Variants in MYCBP2 observed in about 807,000 individuals in gnomAD.
MYCBP2 encodes the protein E3 ubiquitin-protein ligase MYCBP2.
A neutral mutation model predicts 525.3 loss-of-function variants in MYCBP2; 120 were observed. That is an observed-to-expected ratio of 0.23 (90% CI 0.20 to 0.27). MYCBP2 has a LOEUF of 0.27. Ranked by LOEUF, MYCBP2 falls within the 10% of genes least tolerant of loss-of-function variation. The pLI is 1.00. For synonymous variants in MYCBP2, 1,894 were observed against 1,955.8 expected, an observed-to-expected ratio of 0.97 and a Z score of 0.83; for missense variants, 4,149 against 5,657.1, an observed-to-expected ratio of 0.73 and a Z score of 8.55.
At chr13:77,075,878 T>G (rs2042205031) in intron 68 of MYCBP2, 1 of 152,192 alleles carries the variant, frequency 6.6e-6, no homozygotes, top group South Asian at 2.1e-4. Context: ...TTAAGAAATC[T>G]TATTTTTTTC....
chr13:77,301,354 T>C (rs2078776277), intron 1 of MYCBP2, among the ~76,000 whole-genome samples: 1 of 144,338 alleles, frequency 6.9e-6, no homozygotes, highest in South Asian at 2.2e-4. Flanking sequence ...AGGCAGAGGT[T>C]GTGACGAGCC....
In MYCBP2 at chr13:77,243,961, AAT is replaced by A; in HGVS notation, c.2382-12_2382-11del. The A allele has an allele frequency of 6.9e-7, 1 of 1,445,106 alleles. No individual in the cohort carries two copies. The highest frequency in any genetic ancestry group is 2.5e-5 in the East Asian group (1 of 40,722). The allele number at this position is 1,445,106 out of a possible 1,614,324, so 89.5% of individuals were successfully genotyped here. ...ACCACAACCACAGATCCTAGGGGGA[AAT>A]ACAAAAAAAAAAAAAAAAGACAACT... On this transcript the variant is annotated splice_polypyrimidine_tract_variant and intron_variant, in intron 15 of 82. Coordinates refer to ENST00000544440, the MANE Select transcript of MYCBP2 (RefSeq NM_015057.5).
At chr13:77,161,369 A>G (rs912879902) in intron 44 of MYCBP2, among the ~76,000 whole-genome samples, 8 of 152,226 alleles carry the variant, frequency 5.3e-5, no homozygotes, top group Admixed American at 4.6e-4. Flanking sequence ...TTAATGCCTA[A>G]ACGAGCAAAA....
At chr13:77,080,536 T>A (rs995473658) in intron 65 of MYCBP2, 1 of 152,218 alleles carries the variant, frequency 6.6e-6, no homozygotes, top group African/African-American at 2.4e-5. Flanking sequence ...TAAAAGAATA[T>A]TTAATTCAGT....
chr13:77,061,832 G>A, intron 74 of MYCBP2, 42 bp from the exon 75 acceptor site: 1 of 1,521,396 alleles, frequency 6.6e-7, no homozygotes, highest in Non-Finnish European at 8.9e-7. Flanking sequence ...TAACAAGCAA[G>A]TCTCAGACTC....
chr13:77,096,018 C>T (rs887242836), intron 57 of MYCBP2, among the ~76,000 whole-genome samples: 12 of 151,904 alleles, frequency 7.9e-5, no homozygotes, highest in Admixed American at 4.6e-4. Context: ...AAAAGGAAAG[C>T]TCTCCATAGA....
intron 55 of MYCBP2, among the ~76,000 whole-genome samples, chr13:77,108,972 CA>C (rs1483354318): frequency 6.6e-6 from 1 of 152,104 alleles, no homozygotes; most frequent in Non-Finnish European, 1.5e-5. Flanking sequence ...GGATTACAGG[CA>C]TGAGCCACTG....
chr13:77,149,540 G>A (rs2056147240), intron 47 of MYCBP2, among the ~76,000 whole-genome samples: 1 of 152,156 alleles, frequency 6.6e-6, no homozygotes, highest in Admixed American at 6.5e-5. Context: ...CATAAGTAAT[G>A]TAAGTGCTAA....
At chr13:77,275,610 G>T (rs1290301594) in intron 4 of MYCBP2, among the ~76,000 whole-genome samples, 1 of 152,108 alleles carries the variant, frequency 6.6e-6, no homozygotes, top group Non-Finnish European at 1.5e-5. Flanking sequence ...GATCACTTGA[G>T]TCCAGGGTTT....
At position 77,081,630 on chromosome 13, in the gene MYCBP2, A is replaced by G. The variant is rs923952861; in HGVS notation, c.11215T>C (p.Leu3739=). The G allele has an allele frequency of 1.2e-6, 2 of 1,612,942 alleles. No homozygotes were observed. The highest frequency in any genetic ancestry group is 1.7e-6 in the Non-Finnish European group (2 of 1,179,586). ...MSQELCIVMC[L]KDLTSIVDIK... is the part of the protein sequence containing the mutation. Reference sequence around the variant, plus strand: ...TCAACAATGCTGGTTAAGTCCTTTAAGCACATTACTATGCATAATTCCTAT... The same window carrying G: ...TCAACAATGCTGGTTAAGTCCTTTAGGCACATTACTATGCATAATTCCTAT... The change falls in exon 65 of 83, where the codon TTA becomes CTA. Residue 3739 remains leucine (L), a synonymous_variant. Transcript: ENST00000544440. This position sits in a 1 kb window ranked among gnomAD's most constrained non-coding sequence, Gnocchi z 4.6.
At chr13:77,126,074 G>T (rs1319510509) in intron 53 of MYCBP2, among the ~76,000 whole-genome samples, 2 of 152,064 alleles carry the variant, frequency 1.3e-5, no homozygotes, top group Admixed American at 1.3e-4. Context: ...AAAAATATGT[G>T]CAAATACCAA....
chr13:77,311,554 AGTTTTTTTTT>A (rs917574716), intron 1 of MYCBP2, among the ~76,000 whole-genome samples: 3 of 150,348 alleles, frequency 2.0e-5, no homozygotes, highest in East Asian at 1.9e-4. Context: ...GGGAAAGAGA[AGTTTTTTTTT>A]GTTTTTTTTT....
chr13:77,185,025 G>A (rs945016674), intron 32 of MYCBP2, 78 bp downstream of exon 32: 20 of 1,281,838 alleles, frequency 1.6e-5, no homozygotes, highest in Non-Finnish European at 2.1e-5. Flanking sequence ...AGAAGATATG[G>A]CAACTGCAAT....
intron 59 of MYCBP2, among the ~76,000 whole-genome samples, chr13:77,092,002 A>G (rs1261472368): frequency 6.6e-6 from 1 of 151,868 alleles, no homozygotes; most frequent in African/African-American, 2.4e-5. Flanking sequence ...TCTGGAGAAA[A>G]TGTCAAGAGC....
chr13:77,168,746 A>T (rs1160355636), intron 39 of MYCBP2, 100 bp from the exon 40 acceptor site: 14 of 1,089,242 alleles, frequency 1.3e-5, no homozygotes, highest in Middle Eastern at 4.4e-4. Context: ...AACAATTTCC[A>T]TCTAAATTTT....
intron 26 of MYCBP2, among the ~76,000 whole-genome samples, chr13:77,202,097 C>T: frequency 6.6e-6 from 1 of 151,990 alleles, no homozygotes; most frequent in East Asian, 1.9e-4. Context: ...TTAATGAATC[C>T]AGGAGCTGGT....
intron 20 of MYCBP2, among the ~76,000 whole-genome samples, chr13:77,221,255 AT>A (rs2065515914): frequency 6.6e-6 from 1 of 152,180 alleles, no homozygotes. Flanking sequence ...TATTGCTACA[AT>A]ATTATTACCT....
At chr13:77,228,842 G>C (rs1311611207) in intron 18 of MYCBP2, among the ~76,000 whole-genome samples, 1 of 151,958 alleles carries the variant, frequency 6.6e-6, no homozygotes, top group East Asian at 1.9e-4. Flanking sequence ...TGTATACACA[G>C]AGAAAAAAGA....
chr13:77,147,254 C>T (rs1044518472), intron 47 of MYCBP2, among the ~76,000 whole-genome samples: 9 of 152,004 alleles, frequency 5.9e-5, no homozygotes, highest in Admixed American at 2.6e-4. Flanking sequence ...GCAGTGGTTA[C>T]CTCTAAGGAA....
Sources: gnomAD v4.1 joint callset for allele counts (sites outside exome capture counted in the v4.1 genomes callset) on GRCh38, gnomAD v4.1.1 for gene constraint, Gnocchi (gnomAD v3.1) non-coding constraint, MANE v1.5 for transcripts, NCBI Gene and HGNC (gene_info 2026-07-23, HGNC 2026-07-21) for gene names.